RORA: variants seen among roughly 807,000 people sequenced by gnomAD.
RORA encodes the protein RAR related orphan receptor A, also known as nuclear receptor ROR-alpha.
Under a neutral mutation model 69.5 loss-of-function variants are expected in RORA, and 7 were observed. That is an observed-to-expected ratio of 0.10 (90% CI 0.06 to 0.19). RORA has a LOEUF of 0.19. Ranked by LOEUF, RORA falls within the 10% of genes least tolerant of loss-of-function variation. The probability of loss-of-function intolerance (pLI) is 1.00; values close to 1 mark genes in which losing one functional copy is unlikely to be tolerated. For missense variants in RORA, 457 were observed against 663.0 expected (o/e 0.69, Z 3.41); for synonymous variants, 261 against 240.8 (o/e 1.08, Z -0.78).
At chr15:60,582,149 G>A (rs1473361622) in intron 2 of RORA, among the ~76,000 whole-genome samples, 1 of 151,974 alleles carries the variant, frequency 6.6e-6, no homozygotes, top group Non-Finnish European at 1.5e-5. Context: ...CTAAATCTGG[G>A]CATATTTATT....
At chr15:60,923,797 G>A (rs1892121958) in intron 1 of RORA, among the ~76,000 whole-genome samples, 1 of 152,124 alleles carries the variant, frequency 6.6e-6, no homozygotes, top group Non-Finnish European at 1.5e-5. Context: ...ACCCCACCCA[G>A]AAGAGCCAGG....
At chr15:60,947,500 C>G (rs535941631) in intron 1 of RORA, among the ~76,000 whole-genome samples, 621 of 151,728 alleles carry the variant, frequency 4.1e-3, no homozygotes, top group African/African-American at 0.014. Flanking sequence ...GCAGCATGCT[C>G]GTTAAGAGTC....
intron 1 of RORA, among the ~76,000 whole-genome samples, chr15:60,874,083 A>C (rs921105462): frequency 6.6e-6 from 1 of 152,190 alleles, no homozygotes; most frequent in Non-Finnish European, 1.5e-5. Flanking sequence ...TTTATCTTAA[A>C]TCTGGCATCC....
chr15:61,181,103 C>CAAAAAA (rs1234786064), intron 1 of RORA: 1 of 52,284 alleles, frequency 1.9e-5, no homozygotes. Context: ...GATTCCATCT[C>CAAAAAA]AAAAAAAAAA....
chr15:60,492,863 C>T lies in RORA; in HGVS notation c.*4592G>A, dbSNP rs1018297284. 2.0e-5 allele frequency: 3 copies of T among 152,240 alleles called. No individual in the cohort carries two copies. Among genetic ancestry groups the T allele is most frequent in the Admixed American group, 6.5e-5 (1 of 15,294 alleles). 9.4% of individuals were successfully genotyped at this position (152,240 alleles called of 1,614,324 possible). A position where few individuals can be genotyped will look rare whatever the true frequency, so the allele number is the denominator to read the frequency against. ...GAGACGAGAGTAAAGAGTTTACACA[C>T]ACGCAGTTCTATATAGTTCACTTGT... On this transcript the variant is annotated 3_prime_UTR_variant, in exon 11 of 11. Coordinates refer to ENST00000335670, the MANE Select transcript of RORA (RefSeq NM_134261.3).
intron 1 of RORA, among the ~76,000 whole-genome samples, chr15:60,737,812 T>C (rs1231367768): frequency 6.6e-6 from 1 of 152,222 alleles, no homozygotes; most frequent in Admixed American, 6.5e-5. Flanking sequence ...GCTCAGGCTA[T>C]TTGACTTCGA....
intron 1 of RORA, among the ~76,000 whole-genome samples, chr15:61,024,932 A>C (rs1895725307): frequency 6.6e-6 from 1 of 152,162 alleles, no homozygotes; most frequent in Non-Finnish European, 1.5e-5. Context: ...ATGTTAGACA[A>C]CAGACCTATA....
At chr15:60,849,300 G>A (rs1042214684) in intron 1 of RORA, among the ~76,000 whole-genome samples, 5 of 152,188 alleles carry the variant, frequency 3.3e-5, no homozygotes, top group African/African-American at 1.2e-4. Context: ...TAAATAAATG[G>A]TTGAATGAAG....
chr15:61,187,461 G>T (rs977250584), intron 1 of RORA, among the ~76,000 whole-genome samples: 1 of 152,182 alleles, frequency 6.6e-6, no homozygotes, highest in Non-Finnish European at 1.5e-5. Flanking sequence ...GCCTCCAGGG[G>T]GAGGATAGGG....
At chr15:60,640,977 G>C (rs1410417510) in intron 2 of RORA, among the ~76,000 whole-genome samples, 2 of 152,244 alleles carry the variant, frequency 1.3e-5, no homozygotes, top group Middle Eastern at 3.4e-3. Flanking sequence ...TTTTGAGACA[G>C]AATCTCGCTC....
intron 1 of RORA, among the ~76,000 whole-genome samples, chr15:60,986,446 G>A (rs16943413): frequency 0.21 from 32,291 of 151,978 alleles, 3,672 homozygotes; most frequent in African/African-American, 0.28. Flanking sequence ...TGTGCTTTTC[G>A]AGTTCCTGAA....
At chr15:60,864,977 C>G (rs944729325) in intron 1 of RORA, among the ~76,000 whole-genome samples, 3 of 152,098 alleles carry the variant, frequency 2.0e-5, no homozygotes, top group Admixed American at 1.3e-4. Context: ...CTTTGGGGAA[C>G]AGTAGTAGGC....
At chr15:61,129,739 A>C (rs1014498510) in intron 1 of RORA, among the ~76,000 whole-genome samples, 1 of 152,224 alleles carries the variant, frequency 6.6e-6, no homozygotes, top group African/African-American at 2.4e-5. Context: ...AAGGAATTTA[A>C]AAAGAGAAGG....
At chr15:60,947,266 G>A (rs1327978150) in intron 1 of RORA, among the ~76,000 whole-genome samples, 8 of 151,686 alleles carry the variant, frequency 5.3e-5, no homozygotes, top group African/African-American at 1.9e-4. Context: ...GGAAATGTGG[G>A]GAAAAGATAG....
At chr15:61,159,744 A>C (rs1430615674) in intron 1 of RORA, among the ~76,000 whole-genome samples, 1 of 152,234 alleles carries the variant, frequency 6.6e-6, no homozygotes, top group East Asian at 1.9e-4. Context: ...GGTGTGCATT[A>C]TGTATGTTTT....
At chr15:60,663,500 G>C (rs1192907362) in intron 2 of RORA, among the ~76,000 whole-genome samples, 1 of 152,218 alleles carries the variant, frequency 6.6e-6, no homozygotes, top group Non-Finnish European at 1.5e-5. Context: ...TTGTTGCCCA[G>C]GCTGGAGTGC....
chr15:60,518,248 G>A (rs1325796185), intron 3 of RORA, among the ~76,000 whole-genome samples: 2 of 152,164 alleles, frequency 1.3e-5, no homozygotes, highest in Non-Finnish European at 2.9e-5. Context: ...TGAAAAGGAT[G>A]CCACTTTTTA....
At chr15:61,005,674 T>C (rs1206435718) in intron 1 of RORA, among the ~76,000 whole-genome samples, 5 of 152,186 alleles carry the variant, frequency 3.3e-5, no homozygotes, top group East Asian at 1.9e-4. Flanking sequence ...TATAGCTAAA[T>C]GTACTTGCAT....
At chr15:60,639,056 CTAAT>C (rs1391123922) in intron 2 of RORA, among the ~76,000 whole-genome samples, 1 of 152,042 alleles carries the variant, frequency 6.6e-6, no homozygotes. Flanking sequence ...GCCTCCTTCT[CTAAT>C]TAGTCACTTT....
Sources: gnomAD v4.1 joint callset for allele counts (sites outside exome capture counted in the v4.1 genomes callset) on GRCh38, gnomAD v4.1.1 for gene constraint, MANE v1.5 for transcripts, NCBI Gene and HGNC (gene_info 2026-07-23, HGNC 2026-07-21) for gene names.